Variants in CSF2RA observed in about 807,000 individuals in gnomAD.
CSF2RA encodes the protein granulocyte-macrophage colony-stimulating factor receptor subunit alpha.
CSF2RA carries 42 observed loss-of-function variants against 51.6 expected under a neutral mutation model. That is an observed-to-expected ratio of 0.81 (90% CI 0.64 to 1.05). The LOEUF is 1.05. CSF2RA is among the 50% of genes least tolerant of loss of function. The pLI, the probability that CSF2RA is intolerant of heterozygous loss-of-function variation, is 0.00. For synonymous variants in CSF2RA, 222 were observed against 193.0 expected (o/e 1.15, Z -1.24); for missense variants, 530 against 501.1 (o/e 1.06, Z -0.55).
chrX:1,320,214 G>C, the CSF2RA span, among the ~76,000 whole-genome samples: 2 of 151,518 alleles, frequency 1.3e-5, no homozygotes, highest in African/African-American at 4.8e-5. Context: ...TTTTATTAGA[G>C]ATGGAGTTTC....
chrX:1,273,392 A>G (rs1324925976), intron 1 of CSF2RA, among the ~76,000 whole-genome samples: 1 of 151,720 alleles, frequency 6.6e-6, no homozygotes, highest in East Asian at 1.9e-4. Context: ...GCTCCCTGCA[A>G]CCTCCGTCTT....
At chrX:1,274,851 G>T in intron 2 of CSF2RA, 33 bp downstream of exon 2, 1 of 453,276 alleles carries the variant, frequency 2.2e-6, no homozygotes. Context: ...CGGTAATGTG[G>T]TTGGGGATTT....
chrX:1,307,044 C>T (rs2083644507), intron 12 of CSF2RA, among the ~76,000 whole-genome samples: 3 of 151,666 alleles, frequency 2.0e-5, no homozygotes, highest in Admixed American at 1.3e-4. Flanking sequence ...TGAACAAGGG[C>T]GAGGAACCAT....
At chrX:1,289,814 GT>G (rs1255383444) in intron 6 of CSF2RA, among the ~76,000 whole-genome samples, 1 of 125,930 alleles carries the variant, frequency 7.9e-6, no homozygotes, top group Non-Finnish European at 1.7e-5. Flanking sequence ...TTTGTGTTTT[GT>G]TTTGTTTTGT....
intron 2 of CSF2RA, among the ~76,000 whole-genome samples, chrX:1,280,340 G>T (rs192705057): frequency 6.6e-6 from 1 of 151,720 alleles, no homozygotes; most frequent in Non-Finnish European, 1.5e-5. Context: ...GCATAATGGC[G>T]GGCGCCTATA....
At chrX:1,288,132 C>T (rs187163002) in intron 4 of CSF2RA, among the ~76,000 whole-genome samples, 230 of 152,010 alleles carry the variant, frequency 1.5e-3, no homozygotes, top group Middle Eastern at 3.4e-3. Context: ...TCGGAGGAAG[C>T]TTAGGGGGAT....
At chrX:1,283,706 T>C (rs1197430781) in intron 3 of CSF2RA, among the ~76,000 whole-genome samples, 1 of 151,968 alleles carries the variant, frequency 6.6e-6, no homozygotes, top group Non-Finnish European at 1.5e-5. Context: ...TAGCTGGGAT[T>C]ACAGGCGCCT....
chrX:1,307,177 A>G (rs1239465372), intron 12 of CSF2RA, among the ~76,000 whole-genome samples: 3 of 152,176 alleles, frequency 2.0e-5, no homozygotes, highest in Non-Finnish European at 4.4e-5. Flanking sequence ...CTGATGCTGC[A>G]TCCCAGAGGC....
intron 12 of CSF2RA, among the ~76,000 whole-genome samples, chrX:1,308,260 T>C (rs1427477947): frequency 6.6e-6 from 1 of 151,782 alleles, no homozygotes; most frequent in African/African-American, 2.4e-5. Flanking sequence ...TGGTGCCGGG[T>C]ATCAGAGACG....
the CSF2RA span, among the ~76,000 whole-genome samples, chrX:1,316,975 C>G: frequency 6.6e-6 from 1 of 152,254 alleles, no homozygotes; most frequent in African/African-American, 2.4e-5. Flanking sequence ...GAGACGGACT[C>G]TCACTCTGTC....
chrX:1,282,456 G>T, intron 2 of CSF2RA: 1 of 608,102 alleles, frequency 1.6e-6, no homozygotes, highest in Non-Finnish European at 3.0e-6. Flanking sequence ...ACTCTAGATT[G>T]ACCATCTTGA....
At position 1,295,419 on chromosome X, in the gene CSF2RA, G is replaced by C; in HGVS notation, c.781-8G>C. The C allele has an allele frequency of 6.2e-7, 1 of 1,613,444 alleles. No homozygotes were observed. Among genetic ancestry groups the C allele is most frequent in the Non-Finnish European group, 8.5e-7 (1 of 1,179,566 alleles). ...TGAGCCTTGTGTTGTGTTTTGTTTT[G>C]TTTCTAGAATACCCAGCCTGGCACG... On this transcript the variant is annotated splice_region_variant and splice_polypyrimidine_tract_variant and intron_variant, in intron 8 of 12. Coordinates refer to ENST00000381529, the MANE Select transcript of CSF2RA (RefSeq NM_172245.4).
chrX:1,301,412 TG>T (rs2082910078), intron 10 of CSF2RA, among the ~76,000 whole-genome samples: 1 of 147,994 alleles, frequency 6.8e-6, no homozygotes, highest in Non-Finnish European at 1.5e-5. Flanking sequence ...ATTGCTTTGC[TG>T]GTGTTTTTTT....
At chrX:1,270,960 C>T (rs2088320043) in intron 1 of CSF2RA, among the ~76,000 whole-genome samples, 1 of 138,434 alleles carries the variant, frequency 7.2e-6, no homozygotes, top group Non-Finnish European at 1.6e-5. Context: ...CAGAGGATTG[C>T]TTGAGGCCAC....
At chrX:1,317,108 G>A in the CSF2RA span, among the ~76,000 whole-genome samples, 6 of 151,664 alleles carry the variant, frequency 4.0e-5, no homozygotes, top group African/African-American at 9.7e-5. Flanking sequence ...CACCATGCCC[G>A]GCTAATTTTT....
the CSF2RA span, among the ~76,000 whole-genome samples, chrX:1,316,283 TAGATAGATAGATAGATAGATAGAC>T: frequency 5.4e-5 from 8 of 147,278 alleles, no homozygotes; most frequent in African/African-American, 2.1e-4. Flanking sequence ...GATAGATAGA[TAGATAGATAGATAGATAGATAGAC>T]AGACAGACAG....
chrX:1,291,278 TTTTCTTCCTTC>T (rs1248289239), intron 7 of CSF2RA, among the ~76,000 whole-genome samples: 1 of 56,908 alleles, frequency 1.8e-5, no homozygotes, highest in Non-Finnish European at 4.9e-5. Context: ...CTTTCTTCTT[TTTTCTTCCTTC>T]CTTCCTTCCT....
chrX:1,301,349 A>AG (rs1438256935), intron 10 of CSF2RA, among the ~76,000 whole-genome samples: 75 of 148,438 alleles, frequency 5.1e-4, no homozygotes, highest in Middle Eastern at 3.4e-3. Flanking sequence ...AAAAAAAAAA[A>AG]AAAAAGAAAA....
the CSF2RA span, among the ~76,000 whole-genome samples, chrX:1,324,013 C>CA: frequency 0.03 from 4,311 of 141,910 alleles, 90 homozygotes; most frequent in African/African-American, 0.067. Flanking sequence ...GACTCCGTCT[C>CA]AAAAAAAAAA....
Sources: allele counts gnomAD v4.1 joint callset (sites outside exome capture counted in the v4.1 genomes callset), GRCh38; gene constraint gnomAD v4.1.1; transcripts MANE v1.5; gene names NCBI Gene and HGNC (gene_info 2026-07-23, HGNC 2026-07-21).